Variants in COL5A2 observed in about 807,000 individuals in gnomAD.
COL5A2 encodes collagen alpha-2(V) chain.
COL5A2 carries 23 observed loss-of-function variants against 208.2 expected under a neutral mutation model. That is an observed-to-expected ratio of 0.11 (90% CI 0.08 to 0.16). The LOEUF (loss-of-function observed/expected upper bound fraction) is 0.16, where lower values mean the gene tolerates loss of function less well. Among genes scored for constraint, COL5A2 ranks in the 10% least tolerant of loss-of-function variants. COL5A2 has a pLI of 1.00. For synonymous variants in COL5A2, 625 were observed against 628.5 expected (o/e 0.99, Z 0.08); for missense variants, 1,590 against 1,956.4 (o/e 0.81, Z 3.53).
At chr2:189,159,886 T>C (rs966203857) in intron 1 of COL5A2, among the ~76,000 whole-genome samples, 1 of 151,286 alleles carries the variant, frequency 6.6e-6, no homozygotes, top group African/African-American at 2.4e-5. Flanking sequence ...TCTCAAAAAA[T>C]AATAATAATA....
intron 5 of COL5A2, 127 bp downstream of exon 5, chr2:189,098,599 CA>C: frequency 1.3e-6 from 1 of 778,720 alleles, no homozygotes; most frequent in South Asian, 1.5e-5. Context: ...TGGTTTAAGA[CA>C]AAATGTTTTA....
the COL5A2 span, among the ~76,000 whole-genome samples, chr2:189,436,328 T>G: frequency 2.0e-5 from 3 of 151,994 alleles, no homozygotes; most frequent in Non-Finnish European, 4.4e-5. Context: ...CAAAAGAAAC[T>G]ACCATCAGAG....
chr2:189,368,253 T>C, the COL5A2 span, among the ~76,000 whole-genome samples: 1 of 152,188 alleles, frequency 6.6e-6, no homozygotes, highest in Non-Finnish European at 1.5e-5. Flanking sequence ...TCTAGAAACA[T>C]ACCTTAAATT....
intron 1 of COL5A2, among the ~76,000 whole-genome samples, chr2:189,142,458 A>T (rs931958927): frequency 6.6e-6 from 1 of 152,184 alleles, no homozygotes; most frequent in Non-Finnish European, 1.5e-5. Context: ...TACTATACAT[A>T]GACTTAATAA....
At chr2:189,332,988 G>A in the COL5A2 span, among the ~76,000 whole-genome samples, 1 of 152,262 alleles carries the variant, frequency 6.6e-6, no homozygotes, top group Admixed American at 6.5e-5. Flanking sequence ...AGAAATCACG[G>A]AGAAAACTGG....
intron 6 of COL5A2, among the ~76,000 whole-genome samples, chr2:189,093,051 C>A (rs1346118064): frequency 6.6e-6 from 1 of 152,144 alleles, no homozygotes; most frequent in African/African-American, 2.4e-5. Context: ...AAGACTAGAC[C>A]ATTGAGAAAT....
chr2:189,434,429 C>T, the COL5A2 span, among the ~76,000 whole-genome samples: 1 of 152,120 alleles, frequency 6.6e-6, no homozygotes, highest in East Asian at 1.9e-4. Context: ...ATTTAGAAAA[C>T]CCCATTGTCT....
the COL5A2 span, chr2:189,311,558 G>T: frequency 7.9e-7 from 1 of 1,262,978 alleles, no homozygotes; most frequent in Admixed American, 2.0e-5. Flanking sequence ...CATCTGCTGG[G>T]CGTAGTGGGC....
At chr2:189,100,378 T>G (rs1687024386) in intron 3 of COL5A2, among the ~76,000 whole-genome samples, 1 of 152,130 alleles carries the variant, frequency 6.6e-6, no homozygotes. Flanking sequence ...TGTAAAGCTA[T>G]TTTGCTTCAG....
the COL5A2 span, among the ~76,000 whole-genome samples, chr2:189,244,001 G>T: frequency 6.6e-6 from 1 of 152,176 alleles, no homozygotes; most frequent in Non-Finnish European, 1.5e-5. Flanking sequence ...GGAGAAGCTG[G>T]GACACAGGGC....
At chr2:189,159,872 C>A (rs1194469233) in intron 1 of COL5A2, among the ~76,000 whole-genome samples, 1 of 151,218 alleles carries the variant, frequency 6.6e-6, no homozygotes, top group Non-Finnish European at 1.5e-5. Flanking sequence ...AGAGCGGGAC[C>A]CTGTCTCAAA....
At chr2:189,102,811 G>A (rs1352146216) in intron 3 of COL5A2, among the ~76,000 whole-genome samples, 4 of 152,072 alleles carry the variant, frequency 2.6e-5, no homozygotes, top group Non-Finnish European at 5.9e-5. Context: ...GGATATAAAC[G>A]AAGAACAAAT....
At chr2:189,266,374 C>T in the COL5A2 span, among the ~76,000 whole-genome samples, 6 of 150,984 alleles carry the variant, frequency 4.0e-5, no homozygotes, top group East Asian at 1.9e-4. Context: ...TACAGTGAGC[C>T]GAGATTGTGC....
the COL5A2 span, among the ~76,000 whole-genome samples, chr2:189,414,702 C>T: frequency 1.4e-5 from 2 of 147,426 alleles, no homozygotes; most frequent in East Asian, 2.0e-4. Flanking sequence ...TGCAGTGAGC[C>T]GAGATCGCAC....
At chr2:189,041,526 G>C in intron 50 of COL5A2, 60 bp downstream of exon 50, 1 of 1,332,528 alleles carries the variant, frequency 7.5e-7, no homozygotes, top group Non-Finnish European at 1.1e-6. Flanking sequence ...ACATTTCTTG[G>C]ACGGAATCTG....
At chr2:189,202,039 A>T (rs1689086092) in intron 1 of COL5A2, among the ~76,000 whole-genome samples, 1 of 151,526 alleles carries the variant, frequency 6.6e-6, no homozygotes, top group Admixed American at 6.6e-5. Flanking sequence ...GAATTTGAGA[A>T]GTAAAGCATT....
intron 45 of COL5A2, 83 bp from the exon 46 acceptor site, chr2:189,045,990 A>G: frequency 8.3e-7 from 1 of 1,205,396 alleles, no homozygotes. Context: ...TTCTTATAGT[A>G]TTAATAATGG....
intron 1 of COL5A2, among the ~76,000 whole-genome samples, chr2:189,136,116 T>G (rs925366281): frequency 6.6e-6 from 1 of 152,210 alleles, no homozygotes; most frequent in Non-Finnish European, 1.5e-5. Context: ...TTCTCAGCAC[T>G]GAAAGTGCAG....
chr2:189,429,793 T>TA, the COL5A2 span, among the ~76,000 whole-genome samples: 1 of 152,374 alleles, frequency 6.6e-6, no homozygotes, highest in South Asian at 2.1e-4. Context: ...GTTGACATTC[T>TA]ATCTTCAGGT....
Sources: gnomAD v4.1 joint callset for allele counts (sites outside exome capture counted in the v4.1 genomes callset) on GRCh38, gnomAD v4.1.1 for gene constraint, MANE v1.5 for transcripts, NCBI Gene and HGNC (gene_info 2026-07-23, HGNC 2026-07-21) for gene names.